Variants in LILRA5 observed in about 807,000 individuals in gnomAD.
LILRA5 encodes leukocyte immunoglobulin-like receptor subfamily A member 5.
Under a neutral mutation model 36.3 loss-of-function variants are expected in LILRA5, and 31 were observed. The ratio of observed to expected loss-of-function variants is 0.85; its 90% CI spans 0.64 to 1.15. The LOEUF (loss-of-function observed/expected upper bound fraction) is 1.15, where lower values mean the gene tolerates loss of function less well. Among genes scored for constraint, LILRA5 ranks in the 50% most tolerant of loss-of-function variants. The pLI, the probability that LILRA5 is intolerant of heterozygous loss-of-function variation, is 0.00. For missense variants in LILRA5, 348 were observed against 377.4 expected (o/e 0.92, Z 0.64); for synonymous variants, 144 against 144.8 (o/e 0.99, Z 0.04).
chr19:54,312,659 G>C, intron 1 of LILRA5, 38 bp from the exon 2 acceptor site: 1 of 1,589,858 alleles, frequency 6.3e-7, no homozygotes, highest in Non-Finnish European at 8.6e-7. Context: ...GTGGCAGCTC[G>C]GAGGCTGGGT....
intron 5 of LILRA5, chr19:54,311,205 C>T: frequency 5.1e-6 from 7 of 1,383,714 alleles, no homozygotes; most frequent in Middle Eastern, 2.5e-4. Context: ...ATCCACCTGC[C>T]TCGGCCTCCC....
At chr19:54,310,663 C>G in intron 5 of LILRA5, 1 of 269,330 alleles carries the variant, frequency 3.7e-6, no homozygotes, top group Non-Finnish European at 7.5e-6. Context: ...AATGAGGGGG[C>G]TTTGGGGGTC....
chr19:54,313,043 A>C lies in LILRA5; in HGVS notation c.-24T>G, dbSNP rs778150351. 3 of 1,613,714 alleles carry C rather than the reference A, an allele frequency of 1.9e-6. No individual in the cohort carries two copies. Among genetic ancestry groups the C allele is most frequent in the South Asian group, 2.2e-5 (2 of 91,076 alleles). ...ATGGTCAGTGATTTTTCAGCCCTGG[A>C]GATGCTTCAGGGAAGATGCAGGTCC... On this transcript the variant is annotated 5_prime_UTR_variant, in exon 1 of 7. Transcript: ENST00000432233.
intron 5 of LILRA5, chr19:54,310,892 G>C: frequency 4.0e-6 from 1 of 248,272 alleles, no homozygotes; most frequent in South Asian, 4.6e-5. Context: ...AAGGAGCCGG[G>C]ACTGCAGGGG....
chr19:54,313,145 A>C lies in LILRA5; in HGVS notation c.-126T>G. The C allele has an allele frequency of 1.0e-6, 1 of 992,842 alleles. No homozygotes were observed. The highest frequency in any genetic ancestry group is 1.6e-6 in the Non-Finnish European group (1 of 633,772). 61.5% of individuals were successfully genotyped at this position (992,842 alleles called of 1,614,324 possible). A position where few individuals can be genotyped will look rare whatever the true frequency, so the allele number is the denominator to read the frequency against. On this transcript the variant is annotated 5_prime_UTR_variant, in exon 1 of 7. It adds an upstream start codon to the 5' untranslated region. Transcript: ENST00000432233. ...TAGCCCAGGCTGAGCTGCATGTGGC[A>C]ATGAGCACAGAGGAGAAATGCAGGG... is the stretch of plus-strand genomic sequence containing the variant.
At chr19:54,310,717 G>A (rs908094246) in intron 5 of LILRA5, 7 of 330,820 alleles carry the variant, frequency 2.1e-5, no homozygotes, top group Non-Finnish European at 3.7e-5. Flanking sequence ...AGCCCAGCCT[G>A]GGGCTGCCGG....
chr19:54,310,846 A>T, intron 5 of LILRA5: 1 of 245,928 alleles, frequency 4.1e-6, no homozygotes, highest in Non-Finnish European at 8.6e-6. Context: ...CTGCGGGGTC[A>T]GGAGGGAGGG....
chr19:54,307,961 T>C, intron 5 of LILRA5: 1 of 582,832 alleles, frequency 1.7e-6, no homozygotes. Flanking sequence ...AATTTAAACT[T>C]TGCTCCTGAG....
intron 5 of LILRA5, chr19:54,308,379 AT>A (rs2080936474): frequency 6.7e-5 from 4 of 59,638 alleles, no homozygotes; most frequent in Non-Finnish European, 9.0e-5. Context: ...ATATATATAT[AT>A]ATATATATAT....
intron 1 of LILRA5, 24 bp from the exon 2 acceptor site, chr19:54,312,645 G>C: frequency 6.2e-7 from 1 of 1,609,988 alleles, no homozygotes; most frequent in African/African-American, 1.3e-5. Context: ...GAGACACACA[G>C]GGTGTGGCAG....
At chr19:54,310,780 C>T in intron 5 of LILRA5, 2 of 260,580 alleles carry the variant, frequency 7.7e-6, no homozygotes, top group South Asian at 3.8e-5. Flanking sequence ...CCTGTCATAG[C>T]CAACATCAGA....
At chr19:54,308,146 C>T (rs941341853) in intron 5 of LILRA5, 6 of 179,042 alleles carry the variant, frequency 3.4e-5, no homozygotes, top group Admixed American at 2.7e-4. Flanking sequence ...ACCCAGGCTC[C>T]ATGGATGACG....
chr19:54,307,260 A>G lies in LILRA5; in HGVS notation c.*153T>C, dbSNP rs1207064901. 2.0e-5 allele frequency: 11 copies of G among 551,396 alleles called. No homozygotes were observed. The highest frequency in any genetic ancestry group is 4.3e-5 in the East Asian group (1 of 23,150). 34.2% of individuals were successfully genotyped at this position (551,396 alleles called of 1,614,324 possible). The stretch of plus-strand genomic sequence containing the variant: ...TCCATCTCAAAAAAAAAAAAAAAAA[A>G]AAAAAAGAAAGAAAAGAAAAGAAAG... On this transcript the variant is annotated 3_prime_UTR_variant, in exon 7 of 7. Transcript: ENST00000432233.
rs1359075263 is a variant in LILRA5, at chr19:54,307,263, A to AAG, written c.*149_*150insCT. 1.8e-5 allele frequency: 10 copies of AAG among 548,312 alleles called. No homozygotes were observed. The highest frequency in any genetic ancestry group is 4.2e-5 in the Admixed American group (1 of 23,964). The allele number at this position is 548,312 out of a possible 1,614,324, so 34.0% of individuals were successfully genotyped here. On this transcript the variant is annotated 3_prime_UTR_variant, in exon 7 of 7. Transcript: ENST00000432233. ...ATCTCAAAAAAAAAAAAAAAAAAAAAAAAGAAAGAAAAGAAAAGAAAGAAA... is the reference window on the plus strand; with the variant it reads ...ATCTCAAAAAAAAAAAAAAAAAAAAAAGAAAGAAAGAAAAGAAAAGAAAGAAA...
rs770585865 is a variant in LILRA5 at position 54,311,418 on chromosome 19, G to A, written c.708C>T (p.Val236=). The A allele has an allele frequency of 1.2e-6, 2 of 1,614,076 alleles. No individual in the cohort carries two copies. The highest frequency in any genetic ancestry group is 4.5e-5 in the East Asian group (2 of 44,900). The change falls in exon 5 of 7, where the codon GTC becomes GTT. Residue 236 remains valine (V), a synonymous_variant. Coordinates refer to ENST00000432233, the MANE Select transcript of LILRA5 (RefSeq NM_021250.4). ...SEPSDLLEIP[V]SGAADNLSPS... ...AGAAGACTGTGGCTTCCTCACCTGA[G>A]ACCGGAATCTCCAGGAGGTCACTGG...
intron 5 of LILRA5, chr19:54,308,354 A>AATATATATAT (rs60172604): frequency 1.1e-4 from 2 of 18,512 alleles, no homozygotes; most frequent in Non-Finnish European, 1.7e-4. Flanking sequence ...TGTATATATA[A>AATATATATAT]ATATATATAT....
At chr19:54,308,284 C>T (rs971241533) in intron 5 of LILRA5, 2 of 157,190 alleles carry the variant, frequency 1.3e-5, no homozygotes, top group South Asian at 1.6e-4. Flanking sequence ...TTCATATAGT[C>T]AGTCATATAT....
chr19:54,307,087 C>A lies in LILRA5; in HGVS notation c.*326G>T. 4.9e-6 allele frequency: 1 copy of A among 205,646 alleles called. No homozygotes were observed. Among genetic ancestry groups the A allele is most frequent in the Non-Finnish European group, 9.9e-6 (1 of 101,192 alleles). 12.7% of individuals were successfully genotyped at this position (205,646 alleles called of 1,614,324 possible). A position where few individuals can be genotyped will look rare whatever the true frequency, so the allele number is the denominator to read the frequency against. ...TTTAATGGTCCTCCATGGATCACCC[C>A]AGACCAGTGTCTCTGCACTCAAACA... On this transcript the variant is annotated 3_prime_UTR_variant, in exon 7 of 7. Transcript: ENST00000432233.
Position 54,312,379 on chromosome 19 carries a change from G to C in LILRA5, c.89-9C>G. On this transcript the variant is annotated splice_polypyrimidine_tract_variant and intron_variant, in intron 2 of 6. Coordinates refer to ENST00000432233, the MANE Select transcript of LILRA5 (RefSeq NM_021250.4). Reference sequence around the variant, plus strand: ...GGGGCCCAGACTCAGCCCTGGAAGAGAGTTCCCTGTGAGAGATTTGCCTCT... The same window carrying C: ...GGGGCCCAGACTCAGCCCTGGAAGACAGTTCCCTGTGAGAGATTTGCCTCT... The C allele has an allele frequency of 1.2e-6, 2 of 1,614,240 alleles. No homozygotes were observed. The highest frequency in any genetic ancestry group is 8.5e-7 in the Non-Finnish European group (1 of 1,180,030).
Sources: gnomAD v4.1 joint callset for allele counts on GRCh38, gnomAD v4.1.1 for gene constraint, MANE v1.5 for transcripts, NCBI Gene and HGNC (gene_info 2026-07-23, HGNC 2026-07-21) for gene names.